The following RANBP2 variants were observed in gnomAD, a reference collection of about 807,000 sequenced individuals.
The protein encoded by RANBP2 is RAN binding protein 2, also known as E3 SUMO-protein ligase RanBP2.
In RANBP2, 57 loss-of-function variants were observed where a neutral mutation model predicts 303.6. The ratio of observed to expected loss-of-function variants is 0.19; its 90% CI spans 0.15 to 0.23. The LOEUF (loss-of-function observed/expected upper bound fraction) is 0.23. Among genes scored for constraint, RANBP2 ranks in the 10% least tolerant of loss-of-function variants. The pLI is 1.00. For missense variants in RANBP2, 3,138 were observed against 3,780.8 expected (o/e 0.83, Z 4.46); for synonymous variants, 1,167 against 1,301.5 (o/e 0.90, Z 2.23).
At chr2:108,858,531 T>C in the RANBP2 span, among the ~76,000 whole-genome samples, 1 of 152,180 alleles carries the variant, frequency 6.6e-6, no homozygotes, top group Admixed American at 6.5e-5. Flanking sequence ...CTTGCTTGAA[T>C]TTTAATGTAA....
At chr2:109,030,897 AC>A in the RANBP2 span, among the ~76,000 whole-genome samples, 1 of 151,996 alleles carries the variant, frequency 6.6e-6, no homozygotes, top group African/African-American at 2.4e-5. Context: ...CAGTTTTTTA[AC>A]ATCTCCCAAG....
the RANBP2 span, among the ~76,000 whole-genome samples, chr2:109,362,997 GTTTTA>G: frequency 1.3e-5 from 2 of 152,048 alleles, no homozygotes; most frequent in Non-Finnish European, 2.9e-5. Flanking sequence ...GTTGTATCTT[GTTTTA>G]TTTTATCAAC....
intron 18 of RANBP2, among the ~76,000 whole-genome samples, chr2:108,759,236 T>C (rs893663395): frequency 3.3e-5 from 5 of 152,192 alleles, no homozygotes; most frequent in Admixed American, 3.3e-4. Context: ...TGAATGTAAT[T>C]TTATTTAATT....
the RANBP2 span, among the ~76,000 whole-genome samples, chr2:109,285,844 C>T: frequency 1.4e-4 from 21 of 152,344 alleles, no homozygotes; most frequent in Admixed American, 6.5e-4. Context: ...ACTGCCTCTG[C>T]GTGGCTCCAA....
At chr2:109,380,027 A>G in the RANBP2 span, among the ~76,000 whole-genome samples, 4 of 152,188 alleles carry the variant, frequency 2.6e-5, no homozygotes, top group Non-Finnish European at 2.9e-5. Context: ...AAATGAGTGT[A>G]AAGAAATGAG....
At chr2:108,933,030 G>C in the RANBP2 span, among the ~76,000 whole-genome samples, 1 of 152,184 alleles carries the variant, frequency 6.6e-6, no homozygotes, top group South Asian at 2.1e-4. Context: ...AAGATGGTAC[G>C]CTTGTTTATC....
the RANBP2 span, among the ~76,000 whole-genome samples, chr2:109,268,142 G>C: frequency 6.6e-6 from 1 of 152,012 alleles, no homozygotes; most frequent in East Asian, 1.9e-4. Flanking sequence ...TCCTTTGGTC[G>C]TCACTTTTGC....
the RANBP2 span, among the ~76,000 whole-genome samples, chr2:108,979,594 T>G: frequency 1.3e-5 from 2 of 152,014 alleles, no homozygotes; most frequent in Non-Finnish European, 2.9e-5. Context: ...TTGGAGACCC[T>G]GAGCCATGCT....
the RANBP2 span, among the ~76,000 whole-genome samples, chr2:109,378,354 A>T: frequency 6.6e-6 from 1 of 152,176 alleles, no homozygotes; most frequent in African/African-American, 2.4e-5. Flanking sequence ...TGGGAGAGGG[A>T]TGGAAGGATG....
chr2:109,400,736 C>T, the RANBP2 span, among the ~76,000 whole-genome samples: 10 of 152,186 alleles, frequency 6.6e-5, no homozygotes, highest in Non-Finnish European at 1.0e-4. Flanking sequence ...TGGCTCTCAT[C>T]GGCGGCTGAG....
the RANBP2 span, among the ~76,000 whole-genome samples, chr2:109,072,724 T>C: frequency 6.6e-6 from 1 of 152,130 alleles, no homozygotes; most frequent in South Asian, 2.1e-4. Context: ...AAGTAGGAGA[T>C]AAACTTCTGC....
chr2:109,448,456 C>T, the RANBP2 span, among the ~76,000 whole-genome samples: 132 of 152,240 alleles, frequency 8.7e-4, no homozygotes, highest in Middle Eastern at 0.024. Flanking sequence ...CCCTCCTCAA[C>T]GCTTGCATTA....
At chr2:109,538,032 A>G in the RANBP2 span, among the ~76,000 whole-genome samples, 1 of 152,178 alleles carries the variant, frequency 6.6e-6, no homozygotes, top group African/African-American at 2.4e-5. Context: ...AATCTGACTC[A>G]CGCCTCACTG....
chr2:109,283,833 G>A, the RANBP2 span, among the ~76,000 whole-genome samples: 1 of 152,232 alleles, frequency 6.6e-6, no homozygotes, highest in Non-Finnish European at 1.5e-5. Flanking sequence ...GGATTTGCCA[G>A]TCTTGCTGCT....
chr2:109,493,856 A>G, the RANBP2 span, among the ~76,000 whole-genome samples: 1 of 152,072 alleles, frequency 6.6e-6, no homozygotes, highest in Non-Finnish European at 1.5e-5. Context: ...TAATACAAAC[A>G]CATATTCAGA....
intron 26 of RANBP2, 25 bp from the exon 27 acceptor site, chr2:108,782,103 T>C: frequency 1.2e-6 from 2 of 1,612,320 alleles, no homozygotes; most frequent in Admixed American, 1.7e-5. Context: ...CAGCAGCTTA[T>C]AGAGAATTTC....
chr2:109,603,085 A>C, the RANBP2 span, among the ~76,000 whole-genome samples: 24 of 151,928 alleles, frequency 1.6e-4, no homozygotes, highest in Middle Eastern at 3.4e-3. Flanking sequence ...ACAAAACAAA[A>C]AAAACAAAAC....
chr2:109,442,758 A>G, the RANBP2 span, among the ~76,000 whole-genome samples: 1 of 152,242 alleles, frequency 6.6e-6, no homozygotes, highest in Admixed American at 6.5e-5. Context: ...GGAATCATGA[A>G]AACATCCAAA....
the RANBP2 span, among the ~76,000 whole-genome samples, chr2:109,725,926 T>C: frequency 6.6e-6 from 1 of 151,744 alleles, no homozygotes; most frequent in East Asian, 2.0e-4. Context: ...AGAGAGAGAG[T>C]TTCACCACAT....
Sources: allele counts gnomAD v4.1 joint callset (sites outside exome capture counted in the v4.1 genomes callset), GRCh38; gene constraint gnomAD v4.1.1; transcripts MANE v1.5; gene names NCBI Gene and HGNC (gene_info 2026-07-23, HGNC 2026-07-21).